SLA: variants seen among roughly 807,000 people sequenced by gnomAD.
The protein encoded by SLA is src-like-adapter.
A neutral mutation model predicts 30.3 loss-of-function variants in SLA; 16 were observed. The ratio of observed to expected loss-of-function variants is 0.53; its 90% CI spans 0.36 to 0.80. SLA has a LOEUF of 0.80. Among genes scored for constraint, SLA ranks in the 30% least tolerant of loss-of-function variants. SLA has a pLI of 0.01. For missense variants in SLA, 310 were observed against 345.2 expected, an observed-to-expected ratio of 0.90 and a Z score of 0.81; for synonymous variants, 143 against 137.8, an observed-to-expected ratio of 1.04 and a Z score of -0.26.
At position 133,050,924 on chromosome 8, in the gene SLA, A is replaced by G. The variant is rs1351501411; in HGVS notation, c.62-9T>C. 1.9e-6 allele frequency: 3 copies of G among 1,589,934 alleles called. No homozygotes were observed. The highest frequency in any genetic ancestry group is 1.7e-6 in the Non-Finnish European group (2 of 1,158,312). ...GAAGTCGCTATCCAGTCCTGGGGAA[A>G]CAAAGGCAAGGGGGAAGGGGGCAAG... On this transcript the variant is annotated splice_polypyrimidine_tract_variant and intron_variant, in intron 3 of 8. Transcript: ENST00000338087.
intron 1 of SLA, among the ~76,000 whole-genome samples, chr8:133,081,235 C>T (rs1225705178): frequency 1.3e-5 from 2 of 152,238 alleles, no homozygotes; most frequent in Non-Finnish European, 2.9e-5. Flanking sequence ...GTATGTCTAA[C>T]CATGACCATG....
At chr8:133,086,946 G>A (rs1846656566) in intron 1 of SLA, among the ~76,000 whole-genome samples, 1 of 152,106 alleles carries the variant, frequency 6.6e-6, no homozygotes, top group African/African-American at 2.4e-5. Context: ...TAATTAGCAT[G>A]CTGGCATTGA....
intron 2 of SLA, chr8:133,060,401 A>C: frequency 6.6e-7 from 1 of 1,512,450 alleles, no homozygotes. Flanking sequence ...GAATGACAGA[A>C]AAACCACAGA....
rs566566582 is a variant in SLA, at chr8:133,095,294, A to C, written c.-319+7259T>G. 4,919 of 1,552,594 alleles carry C rather than the reference A, an allele frequency of 3.2e-3. 2 individuals are homozygous for C. Among genetic ancestry groups the C allele is most frequent in the Admixed American group, 0.016 (857 of 55,218 alleles). ...AAGACCTAGGAAGGAGGTGTCACCC[A>C]CCCCAGCCATACCACACATGAGGCT... is the stretch of plus-strand genomic sequence containing the variant. On this transcript the variant is annotated intron_variant, in intron 1 of 8. Coordinates refer to ENST00000338087, the MANE Select transcript of SLA (RefSeq NM_001045556.3).
intron 7 of SLA, among the ~76,000 whole-genome samples, chr8:133,043,741 G>A (rs941463750): frequency 6.6e-6 from 1 of 152,186 alleles, no homozygotes; most frequent in Non-Finnish European, 1.5e-5. Context: ...CCAAAGCCCT[G>A]TGGACCCATT....
intron 1 of SLA, among the ~76,000 whole-genome samples, chr8:133,081,945 G>A (rs1283510744): frequency 3.9e-5 from 6 of 152,208 alleles, no homozygotes; most frequent in Non-Finnish European, 8.8e-5. Flanking sequence ...GGAGGAAACA[G>A]GCATCTCATT....
At chr8:133,076,013 C>T (rs775393538) in intron 1 of SLA, 9 of 152,104 alleles carry the variant, frequency 5.9e-5, no homozygotes, top group African/African-American at 1.7e-4. Context: ...ACTTACAGTA[C>T]GTGAGTCTCA....
At chr8:133,095,230 G>A (rs367848163) in intron 1 of SLA, 14 of 1,614,028 alleles carry the variant, frequency 8.7e-6, no homozygotes, top group Non-Finnish European at 1.1e-5. Context: ...AGTGCAAGTT[G>A]GGAAGGGACA....
chr8:133,094,928 G>A, intron 1 of SLA: 3 of 1,434,634 alleles, frequency 2.1e-6, no homozygotes. Flanking sequence ...AATGGGTCCT[G>A]GGACTCCCAA....
chr8:133,074,874 C>A lies in SLA; in HGVS notation c.-62G>T. ...ATACCTTCACACACTGGGCATGACTCCTGTGGGAGCTGTCTGCAGAGGGAT... is the reference window on the plus strand; with the variant it reads ...ATACCTTCACACACTGGGCATGACTACTGTGGGAGCTGTCTGCAGAGGGAT... On this transcript the variant is annotated 5_prime_UTR_variant, in exon 2 of 9. Transcript: ENST00000338087. The A allele has an allele frequency of 3.6e-5, 35 of 985,594 alleles. No individual in the cohort carries two copies. Among genetic ancestry groups the A allele is most frequent in the Non-Finnish European group, 4.2e-5 (35 of 830,004 alleles). The allele number at this position is 985,594 out of a possible 1,614,324, so 61.1% of individuals were successfully genotyped here.
chr8:133,039,854 A>AC (rs1212731669), intron 8 of SLA, 144 bp downstream of exon 8: 3 of 1,403,496 alleles, frequency 2.1e-6, no homozygotes, highest in Non-Finnish European at 2.9e-6. Flanking sequence ...GGGGGTGCTC[A>AC]CCCCCCAGTT....
intron 2 of SLA, among the ~76,000 whole-genome samples, chr8:133,062,085 G>T (rs1416836417): frequency 6.6e-6 from 1 of 152,150 alleles, no homozygotes; most frequent in Non-Finnish European, 1.5e-5. Context: ...TGGCTAGAAC[G>T]GGCAGCATGT....
chr8:133,082,463 G>A (rs1471977629), intron 1 of SLA, among the ~76,000 whole-genome samples: 1 of 152,138 alleles, frequency 6.6e-6, no homozygotes, highest in Non-Finnish European at 1.5e-5. Flanking sequence ...TTGATTCCCT[G>A]CAGCATTGGG....
At position 133,037,538 on chromosome 8, in the gene SLA, T is replaced by C. The variant is rs1175786612; in HGVS notation, c.*986A>G. On this transcript the variant is annotated 3_prime_UTR_variant, in exon 9 of 9. Transcript: ENST00000338087. ...TGTCCCTCACCTGTCTCTAATTCCA[T>C]CCTAAGCCATGAGCTGATTTCTCTT... The C allele has an allele frequency of 6.6e-6, 1 of 152,152 alleles. No homozygotes were observed. The highest frequency in any genetic ancestry group is 1.5e-5 in the Non-Finnish European group (1 of 68,020). 9.4% of individuals were successfully genotyped at this position (152,152 alleles called of 1,614,324 possible). A position where few individuals can be genotyped will look rare whatever the true frequency, so the allele number is the denominator to read the frequency against.
intron 3 of SLA, among the ~76,000 whole-genome samples, chr8:133,056,357 C>T (rs1369590736): frequency 6.6e-6 from 1 of 152,188 alleles, no homozygotes; most frequent in Non-Finnish European, 1.5e-5. Flanking sequence ...GGATCTGGTC[C>T]AAGATTTGAC....
intron 2 of SLA, among the ~76,000 whole-genome samples, chr8:133,067,852 GAGAAAGAAAGAA>G (rs57930573): frequency 4.6e-5 from 6 of 131,568 alleles, no homozygotes; most frequent in African/African-American, 1.9e-4. Flanking sequence ...CAGAGAGAGA[GAGAAAGAAAGAA>G]AGAAAGGAAG....
At chr8:133,051,223 C>G (rs376590688) in intron 3 of SLA, among the ~76,000 whole-genome samples, 1 of 152,178 alleles carries the variant, frequency 6.6e-6, no homozygotes, top group African/African-American at 2.4e-5. Flanking sequence ...GCGCCTGTTA[C>G]GAGTCTACTA....
At chr8:133,095,060 C>A (rs753468842) in intron 1 of SLA, 11 of 1,613,704 alleles carry the variant, frequency 6.8e-6, no homozygotes, top group Admixed American at 1.7e-5. Context: ...TCCGCACTCT[C>A]CCCGGCCGCC....
Position 133,037,691 on chromosome 8 carries a change from C to T in SLA, c.*833G>A, listed in dbSNP as rs1837344362. ...CCTTACAGAGGACTTAATGCAATGC[C>T]TATTCGGGCAATAAATGAATACTTG... On this transcript the variant is annotated 3_prime_UTR_variant, in exon 9 of 9. Coordinates refer to ENST00000338087, the MANE Select transcript of SLA (RefSeq NM_001045556.3). 1 of 151,760 alleles carries T rather than the reference C, an allele frequency of 6.6e-6. No individual in the cohort carries two copies. Among genetic ancestry groups the T allele is most frequent in the African/African-American group, 2.4e-5 (1 of 41,230 alleles). The allele number at this position is 151,760 out of a possible 1,614,324, so 9.4% of individuals were successfully genotyped here.
Sources: gnomAD v4.1 joint callset for allele counts (sites outside exome capture counted in the v4.1 genomes callset) on GRCh38, gnomAD v4.1.1 for gene constraint, MANE v1.5 for transcripts, NCBI Gene and HGNC (gene_info 2026-07-23, HGNC 2026-07-21) for gene names.